The following LAX1 variants were observed in gnomAD, a reference collection of about 807,000 sequenced individuals.
LAX1 encodes the protein lymphocyte transmembrane adapter 1.
In LAX1, 17 loss-of-function variants were observed where a neutral mutation model predicts 20.7. That is an observed-to-expected ratio of 0.82 (90% CI 0.56 to 1.23). The LOEUF (loss-of-function observed/expected upper bound fraction) is 1.23, where lower values mean the gene tolerates loss of function less well. Ranked by LOEUF, LAX1 falls within the 50% of genes most tolerant of loss-of-function variation. The pLI, the probability that LAX1 is intolerant of heterozygous loss-of-function variation, is 0.00. For missense variants in LAX1, 470 were observed against 487.0 expected (o/e 0.97, Z 0.33); for synonymous variants, 165 against 181.0 (o/e 0.91, Z 0.71).
At chr1:203,771,045 C>G (rs1667413145) in intron 2 of LAX1, 108 bp downstream of exon 2, 2 of 910,948 alleles carry the variant, frequency 2.2e-6, no homozygotes, top group Non-Finnish European at 3.6e-6. Context: ...CTGGGGAGTC[C>G]TCAGTTCTTA....
intron 1 of LAX1, among the ~76,000 whole-genome samples, chr1:203,769,462 A>G (rs1347124039): frequency 5.7e-5 from 3 of 52,492 alleles, no homozygotes; most frequent in African/African-American, 1.4e-4. Flanking sequence ...AGAAAAGAAA[A>G]GAAAGAAAGT....
intron 1 of LAX1, among the ~76,000 whole-genome samples, chr1:203,766,831 T>C (rs1376017357): frequency 6.6e-6 from 1 of 152,094 alleles, no homozygotes; most frequent in Non-Finnish European, 1.5e-5. Flanking sequence ...TCATCAACAC[T>C]TTTTTTGTTT....
At chr1:203,769,779 G>A (rs1176766304) in intron 1 of LAX1, 5 of 151,812 alleles carry the variant, frequency 3.3e-5, no homozygotes, top group Admixed American at 6.6e-5. Flanking sequence ...GGTGCGGGGG[G>A]GGGGGCGGCG....
intron 4 of LAX1, among the ~76,000 whole-genome samples, chr1:203,773,281 G>A (rs1667450550): frequency 6.6e-6 from 1 of 152,122 alleles, no homozygotes; most frequent in South Asian, 2.1e-4. Flanking sequence ...AACATACACT[G>A]TCACTACTAA....
At chr1:203,766,251 C>T (rs1028549148) in intron 1 of LAX1, among the ~76,000 whole-genome samples, 4 of 152,098 alleles carry the variant, frequency 2.6e-5, no homozygotes, top group Admixed American at 1.3e-4. Flanking sequence ...CCGAGTGGGG[C>T]GGATCACCCC....
chr1:203,771,360 C>G lies in LAX1; in HGVS notation c.200-7C>G, dbSNP rs1158525236. 4.4e-6 allele frequency: 7 copies of G among 1,591,992 alleles called. No individual in the cohort carries two copies. Among genetic ancestry groups the G allele is most frequent in the Admixed American group, 1.7e-5 (1 of 60,000 alleles). ...CCATGACTCCCATCTCTCTCATTGC[C>G]TTGCAGGACAAGTTCCTTACCTCCG... On this transcript the variant is annotated splice_polypyrimidine_tract_variant and splice_region_variant and intron_variant, in intron 2 of 4. Transcript: ENST00000442561.
chr1:203,774,891 G>A lies in LAX1; in HGVS notation c.*210G>A, dbSNP rs1204377292. The stretch of plus-strand genomic sequence containing the variant: ...GAAGGGAATTCTTCTCAAGCAGAGT[G>A]TGGTTATCTCCTGTACCAGCCTAAG... On this transcript the variant is annotated 3_prime_UTR_variant, in exon 5 of 5. Transcript: ENST00000442561. 2 of 584,790 alleles carry A rather than the reference G, an allele frequency of 3.4e-6. No individual in the cohort carries two copies. Among genetic ancestry groups the A allele is most frequent in the Non-Finnish European group, 6.0e-6 (2 of 331,298 alleles). 36.2% of individuals were successfully genotyped at this position (584,790 alleles called of 1,614,324 possible). A position where few individuals can be genotyped will look rare whatever the true frequency, so the allele number is the denominator to read the frequency against.
chr1:203,771,396 A>G lies in LAX1; in HGVS notation c.229A>G (p.Met77Val), dbSNP rs1667419162. Residue 77 changes from methionine to valine, a missense_variant, in exon 3 of 5, where the codon ATG becomes GTG. Met to Val is a conservative substitution (Grantham distance 21). Coordinates refer to ENST00000442561, the MANE Select transcript of LAX1 (RefSeq NM_017773.4). ...AGTTCCTTACCTCCGAGTTACCGTC[A>G]TGCCCTTGCTGACTTTGCCACAAAC... The part of the protein sequence containing the change: ...RQVPYLRVTV[M>V]PLLTLPQTRQ... 6.2e-7 allele frequency: 1 copy of G among 1,613,680 alleles called. No homozygotes were observed. The highest frequency in any genetic ancestry group is 8.5e-7 in the Non-Finnish European group (1 of 1,179,696).
chr1:203,767,842 A>G (rs891530913), intron 1 of LAX1, among the ~76,000 whole-genome samples: 6 of 152,198 alleles, frequency 3.9e-5, no homozygotes, highest in African/African-American at 1.4e-4. Context: ...AATAATGAAC[A>G]GAGCTGAGCG....
Position 203,765,529 on chromosome 1 carries a change from G to A in LAX1, c.-37G>A. ...GATTATGATTAAGAGAAACTTAGAA[G>A]CTGAAGCCAGAGAGCATCTCAAAGG... On this transcript the variant is annotated 5_prime_UTR_variant, in exon 1 of 5. Coordinates refer to ENST00000442561, the MANE Select transcript of LAX1 (RefSeq NM_017773.4). The A allele has an allele frequency of 1.2e-6, 2 of 1,613,472 alleles. No homozygotes were observed. The highest frequency in any genetic ancestry group is 1.7e-6 in the Non-Finnish European group (2 of 1,179,726).
chr1:203,773,537 G>C (rs1254735658), intron 4 of LAX1, among the ~76,000 whole-genome samples: 2 of 151,832 alleles, frequency 1.3e-5, no homozygotes, highest in African/African-American at 4.8e-5. Flanking sequence ...GACACCGAGA[G>C]ATTAGGTCAG....
rs16852297 is a variant in LAX1, at chr1:203,772,328, A to C, written c.390+181A>C. ...AGGATCTCCTATACCCAAAAAGAAA[A>C]ATTAAGGACAGAGGCAAGTGCTTGG... On this transcript the variant is annotated intron_variant, in intron 4 of 4. Coordinates refer to ENST00000442561, the MANE Select transcript of LAX1 (RefSeq NM_017773.4). Among the ~76,000 whole-genome samples, 531 of 152,332 alleles carry C rather than the reference A, an allele frequency of 3.5e-3. 2 individuals are homozygous for C. Among genetic ancestry groups the C allele is most frequent in the African/African-American group, 0.012 (510 of 41,578 alleles).
Position 203,767,303 on chromosome 1 carries a change from C to CTTTTTTT in LAX1, c.89+1664_89+1670dup, listed in dbSNP as rs755164305. On this transcript the variant is annotated intron_variant, in intron 1 of 4. Transcript: ENST00000442561. ...GTAACCACCATTCTACTCTCCACTT[C>CTTTTTTT]TTTTTTTTTTTTTTTTTTTTTGAGA... Among the ~76,000 whole-genome samples, 244 of 90,430 alleles carry CTTTTTTT rather than the reference C, an allele frequency of 2.7e-3. 8 individuals carry two copies. Among genetic ancestry groups the CTTTTTTT allele is most frequent in the East Asian group, 7.2e-3 (9 of 1,252 alleles). The allele number at this position is 90,430 out of a possible 152,430, so 59.3% of individuals were successfully genotyped here.
At chr1:203,769,788 C>A (rs112711908) in intron 1 of LAX1, 1 of 50,948 alleles carries the variant, frequency 2.0e-5, no homozygotes, top group African/African-American at 9.0e-5. Context: ...GGGGGGGCGG[C>A]GGGGGGTGGG....
At chr1:203,766,551 G>A (rs967456886) in intron 1 of LAX1, among the ~76,000 whole-genome samples, 1 of 152,188 alleles carries the variant, frequency 6.6e-6, no homozygotes, top group African/African-American at 2.4e-5. Flanking sequence ...TCACTTGCTG[G>A]TAGATATGAG....
chr1:203,768,165 G>A (rs1667335801), intron 1 of LAX1, among the ~76,000 whole-genome samples: 1 of 152,112 alleles, frequency 6.6e-6, no homozygotes, highest in South Asian at 2.1e-4. Context: ...ACAAAAATTA[G>A]CCAGGCGTGG....
chr1:203,768,792 A>T (rs963640950), intron 1 of LAX1, among the ~76,000 whole-genome samples: 3 of 152,230 alleles, frequency 2.0e-5, no homozygotes, highest in Non-Finnish European at 4.4e-5. Context: ...CAAGGAGACC[A>T]TCCAGGAAAG....
chr1:203,765,350 C>CTTCCTGCAGTGG lies in LAX1; in HGVS notation c.-216_-215insTTCCTGCAGTGG, dbSNP rs1667287085. The stretch of plus-strand genomic sequence containing the variant: ...TGGAAGCACCATGTCCGGATGAGAT[C>CTTCCTGCAGTGG]GCACTTCCTGCAGTGGGCATTAGCC... On this transcript the variant is annotated 5_prime_UTR_variant, in exon 1 of 5. Transcript: ENST00000442561. 1.3e-6 allele frequency: 2 copies of CTTCCTGCAGTGG among 1,551,532 alleles called. No individual in the cohort carries two copies. Among genetic ancestry groups the CTTCCTGCAGTGG allele is most frequent in the South Asian group, 2.4e-5 (2 of 84,068 alleles).
At position 203,770,811 on chromosome 1, in the gene LAX1, T is replaced by G. The variant is rs538138868; in HGVS notation, c.90-17T>G. The G allele has an allele frequency of 6.3e-7, 1 of 1,592,644 alleles. No homozygotes were observed. Among genetic ancestry groups the G allele is most frequent in the Admixed American group, 1.7e-5 (1 of 59,992 alleles). ...ACCCTCCTACAGCTAGCACATGTCA[T>G]TCGATTGTTTTTCTAGAAATAAAGA... On this transcript the variant is annotated splice_polypyrimidine_tract_variant and intron_variant, in intron 1 of 4. Transcript: ENST00000442561.
Sources: gnomAD v4.1 joint callset for allele counts (sites outside exome capture counted in the v4.1 genomes callset) on GRCh38, gnomAD v4.1.1 for gene constraint, MANE v1.5 for transcripts, NCBI Gene and HGNC (gene_info 2026-07-23, HGNC 2026-07-21) for gene names.